Variants in RALGPS2 observed in about 807,000 individuals in gnomAD.
RALGPS2 encodes Ral GEF with PH domain and SH3 binding motif 2, also known as ras-specific guanine nucleotide-releasing factor RalGPS2.
Under a neutral mutation model 86.8 loss-of-function variants are expected in RALGPS2, and 43 were observed. That is an observed-to-expected ratio of 0.50 (90% CI 0.39 to 0.64). The LOEUF (loss-of-function observed/expected upper bound fraction) is 0.64. Ranked by LOEUF, RALGPS2 falls within the 30% of genes least tolerant of loss-of-function variation. The pLI is 0.00. For missense variants in RALGPS2, 536 were observed against 694.6 expected (o/e 0.77, Z 2.57); for synonymous variants, 243 against 231.3 (o/e 1.05, Z -0.46).
chr1:178,880,269 G>C (rs542723199), intron 10 of RALGPS2, among the ~76,000 whole-genome samples: 13 of 152,074 alleles, frequency 8.5e-5, no homozygotes, highest in Non-Finnish European at 1.9e-4. Flanking sequence ...AAATTTTGTA[G>C]AACAGAATTA....
In RALGPS2 at chr1:178,916,354, G is replaced by T; in HGVS notation, c.1747G>T (p.Glu583Ter). Reference protein sequence around the residue: ...QQVPTNLMTFE With the variant: ...QQVPTNLMTF The stretch of plus-strand genomic sequence containing the variant: ...GGTTCCTACAAACTTGATGACTTTT[G>T]AGTAGAAGCCTGAGAAAAAAAGAGA... The change falls in exon 20 of 20, where the codon GAG (glutamate) becomes TAG (stop). Residue 583 changes from glutamate to a stop codon, truncating the protein, a stop_gained. Transcript: ENST00000367635. LOFTEE classifies it high-confidence loss of function. 1 of 1,602,268 alleles carries T rather than the reference G, an allele frequency of 6.2e-7. No individual in the cohort carries two copies. Among genetic ancestry groups the T allele is most frequent in the South Asian group, 1.1e-5 (1 of 90,466 alleles).
At chr1:178,834,805 C>T (rs1656190052) in intron 8 of RALGPS2, among the ~76,000 whole-genome samples, 1 of 152,114 alleles carries the variant, frequency 6.6e-6, no homozygotes, top group Non-Finnish European at 1.5e-5. Context: ...TTTGAGACAG[C>T]CTCGCTCTGT....
intron 1 of RALGPS2, among the ~76,000 whole-genome samples, chr1:178,726,559 A>G (rs1650021584): frequency 6.6e-6 from 1 of 151,918 alleles, no homozygotes; most frequent in African/African-American, 2.4e-5. Context: ...AAAAAACCCC[A>G]AAAGAAATAT....
chr1:178,725,268 G>A lies in RALGPS2; in HGVS notation c.-235G>A. 1 of 26,586 alleles carries A rather than the reference G, an allele frequency of 3.8e-5. No homozygotes were observed. Among genetic ancestry groups the A allele is most frequent in the African/African-American group, 5.3e-4 (1 of 1,902 alleles). The allele number at this position is 26,586 out of a possible 1,614,324, so 1.6% of individuals were successfully genotyped here. On this transcript the variant is annotated 5_prime_UTR_variant, in exon 1 of 20. Coordinates refer to ENST00000367635, the MANE Select transcript of RALGPS2 (RefSeq NM_152663.5). Reference sequence around the variant, plus strand: ...CACTCTCCTCCCCCGAGCGGCAGCGGCGGCGGCGGCGGCGGCTGCTGCGGG... The same window carrying A: ...CACTCTCCTCCCCCGAGCGGCAGCGACGGCGGCGGCGGCGGCTGCTGCGGG...
intron 13 of RALGPS2, 47 bp from the exon 14 acceptor site, chr1:178,889,595 G>C (rs765646387): frequency 8.1e-7 from 1 of 1,232,586 alleles, no homozygotes; most frequent in South Asian, 1.2e-5. Flanking sequence ...ATGCAAACTA[G>C]AGAGGTAATT....
chr1:178,808,592 A>G (rs908134311), intron 5 of RALGPS2, among the ~76,000 whole-genome samples: 4 of 152,036 alleles, frequency 2.6e-5, no homozygotes, highest in African/African-American at 9.7e-5. Flanking sequence ...GGTTTTTTCA[A>G]AGATATATAG....
At chr1:178,883,663 T>C in intron 11 of RALGPS2, 130 bp downstream of exon 11, 1 of 765,124 alleles carries the variant, frequency 1.3e-6, no homozygotes, top group East Asian at 2.9e-5. Context: ...TATTAAAATC[T>C]GTCCTTTCTG....
At chr1:178,852,641 A>G (rs759326599) in intron 8 of RALGPS2, 4 of 1,573,584 alleles carry the variant, frequency 2.5e-6, no homozygotes, top group Non-Finnish European at 3.5e-6. Context: ...TAATGCATAG[A>G]AGGTGATGAT....
Position 178,892,218 on chromosome 1 carries a change from G to A in RALGPS2, c.1248-12G>A, listed in dbSNP as rs1417292518. 2 of 1,608,888 alleles carry A rather than the reference G, an allele frequency of 1.2e-6. No homozygotes were observed. Among genetic ancestry groups the A allele is most frequent in the South Asian group, 1.1e-5 (1 of 90,934 alleles). ...ATATGTAATATATACAATTTATAAT[G>A]GAATCCAACAGGAACAGATTATACC... is the stretch of plus-strand genomic sequence containing the variant. On this transcript the variant is annotated splice_polypyrimidine_tract_variant and intron_variant, in intron 14 of 19. Coordinates refer to ENST00000367635, the MANE Select transcript of RALGPS2 (RefSeq NM_152663.5).
chr1:178,902,224 A>C lies in RALGPS2; in HGVS notation c.1630+13A>C. 6.3e-7 allele frequency: 1 copy of C among 1,587,150 alleles called. No homozygotes were observed. Among genetic ancestry groups the C allele is most frequent in the East Asian group, 2.2e-5 (1 of 44,724 alleles). Reference sequence around the variant, plus strand: ...GACTCTGAGAAAGGTGAATTGTTAGAATAACTGGGGCTTACGATACTGCGT... The same window carrying C: ...GACTCTGAGAAAGGTGAATTGTTAGCATAACTGGGGCTTACGATACTGCGT... On this transcript the variant is annotated intron_variant, in intron 18 of 19. Transcript: ENST00000367635.
intron 8 of RALGPS2, chr1:178,849,822 T>G (rs1657059256): frequency 6.6e-6 from 1 of 152,272 alleles, no homozygotes; most frequent in South Asian, 2.1e-4. Context: ...ATCTTCACAT[T>G]AAGCTATTCC....
intron 8 of RALGPS2, chr1:178,865,289 G>A (rs541521139): frequency 1.2e-6 from 2 of 1,614,056 alleles, no homozygotes; most frequent in Non-Finnish European, 1.7e-6. Flanking sequence ...CAACATTTCT[G>A]TGGTGACATT....
intron 5 of RALGPS2, among the ~76,000 whole-genome samples, chr1:178,810,000 C>T (rs1354116624): frequency 6.6e-6 from 1 of 152,010 alleles, no homozygotes; most frequent in East Asian, 1.9e-4. Flanking sequence ...GTAGTTCCAG[C>T]TGCTGGGCGG....
chr1:178,854,887 G>T (rs1333770031), intron 8 of RALGPS2, among the ~76,000 whole-genome samples: 1 of 152,132 alleles, frequency 6.6e-6, no homozygotes, highest in Non-Finnish European at 1.5e-5. Flanking sequence ...TTGAACTTGA[G>T]ATTTCCACAT....
intron 1 of RALGPS2, among the ~76,000 whole-genome samples, chr1:178,763,946 CA>C (rs1402549882): frequency 6.6e-6 from 1 of 151,700 alleles, no homozygotes; most frequent in African/African-American, 2.4e-5. Context: ...GTGCCTTGTT[CA>C]GATGAGAAGA....
At chr1:178,865,478 T>G in intron 8 of RALGPS2, 1 of 1,614,084 alleles carries the variant, frequency 6.2e-7, no homozygotes. Flanking sequence ...TTGCAGAACA[T>G]CTATCTCCCG....
At chr1:178,895,107 T>C (rs561265458) in intron 16 of RALGPS2, among the ~76,000 whole-genome samples, 3 of 152,196 alleles carry the variant, frequency 2.0e-5, no homozygotes, top group Admixed American at 2.0e-4. Context: ...AAGCTCTTAA[T>C]ATGTATCAAA....
chr1:178,889,044 T>A (rs1184485253), intron 13 of RALGPS2, among the ~76,000 whole-genome samples: 1 of 152,114 alleles, frequency 6.6e-6, no homozygotes, highest in Non-Finnish European at 1.5e-5. Flanking sequence ...GTTGGTTTTT[T>A]TTCCCCCTAG....
intron 8 of RALGPS2, among the ~76,000 whole-genome samples, chr1:178,876,228 T>A (rs1163919285): frequency 1.3e-5 from 2 of 149,896 alleles, no homozygotes; most frequent in African/African-American, 5.0e-5. Context: ...GTAAAAAAAA[T>A]AAGTAATGAG....
Sources: gnomAD v4.1 joint callset for allele counts (sites outside exome capture counted in the v4.1 genomes callset) on GRCh38, gnomAD v4.1.1 for gene constraint, MANE v1.5 for transcripts, NCBI Gene and HGNC (gene_info 2026-07-23, HGNC 2026-07-21) for gene names.